Variants in STUM observed in about 807,000 individuals in gnomAD.
The protein encoded by STUM is protein stum homolog.
STUM carries 8 observed loss-of-function variants against 15.3 expected under a neutral mutation model. The ratio of observed to expected loss-of-function variants is 0.52; its 90% CI spans 0.31 to 0.94. The LOEUF (loss-of-function observed/expected upper bound fraction) is 0.94. Ranked by LOEUF, STUM falls within the 40% of genes least tolerant of loss-of-function variation. The probability of loss-of-function intolerance (pLI) is 0.05; values close to 1 mark genes in which losing one functional copy is unlikely to be tolerated. For synonymous variants in STUM, 78 were observed against 88.7 expected, an observed-to-expected ratio of 0.88 and a Z score of 0.68; for missense variants, 142 against 204.9, an observed-to-expected ratio of 0.69 and a Z score of 1.87.
chr1:226,574,773 A>G (rs988409864), intron 1 of STUM, among the ~76,000 whole-genome samples: 2 of 152,096 alleles, frequency 1.3e-5, no homozygotes, highest in South Asian at 4.1e-4. Context: ...CGAGGTGGGG[A>G]CGTTACCGTT....
chr1:226,601,051 G>T (rs1474204575), intron 3 of STUM, among the ~76,000 whole-genome samples: 2 of 152,138 alleles, frequency 1.3e-5, no homozygotes, highest in Non-Finnish European at 1.5e-5. Flanking sequence ...AAGTTCACTG[G>T]CTAATAGGAA....
chr1:226,558,529 T>A (rs1220401307), intron 1 of STUM, among the ~76,000 whole-genome samples: 12 of 152,168 alleles, frequency 7.9e-5, no homozygotes, highest in African/African-American at 2.9e-4. Context: ...GCACACGTTC[T>A]CCAGGGCTTA....
rs147497826 is a variant in STUM, at chr1:226,597,913, C to T, written c.382+932C>T. Among the ~76,000 whole-genome samples the T allele has an allele frequency of 7.8e-4, 119 of 152,314 alleles. No individual in the cohort carries two copies. The East Asian group carries it at 0.017, about 22-fold the overall frequency. On this transcript the variant is annotated intron_variant, in intron 2 of 3. Transcript: ENST00000366788. ...ATGCTGGCTACTGGGGCAGCCAGAG[C>T]AGGGGAACCCCAGGCTGGACCAGAG...
rs751146829 is a variant in STUM at position 226,600,623 on chromosome 1, C to T, written c.383-43C>T. On this transcript the variant is annotated intron_variant, in intron 2 of 3. Transcript: ENST00000366788. The surrounding 1 kb of genome is among the most constrained non-coding windows in gnomAD (Gnocchi z 5.2). ...CAGGCTGTGTTTTCTCTTCTTCTCT[C>T]TCTCCTCTTCCTCCTGCTGCCTCCC... 3.1e-6 allele frequency: 5 copies of T among 1,609,432 alleles called. No homozygotes were observed. The South Asian group carries it at 4.4e-5, about 14-fold the overall frequency.
At chr1:226,550,415 G>C (rs1667355243) in intron 1 of STUM, among the ~76,000 whole-genome samples, 1 of 152,154 alleles carries the variant, frequency 6.6e-6, no homozygotes, top group Admixed American at 6.5e-5. Context: ...CCAGCAGCCT[G>C]TCCCCCTGGC....
intron 1 of STUM, among the ~76,000 whole-genome samples, chr1:226,592,383 C>A (rs1668105281): frequency 6.6e-6 from 1 of 152,100 alleles, no homozygotes; most frequent in Non-Finnish European, 1.5e-5. Flanking sequence ...GATGCAACAC[C>A]CTAGACTGAA....
chr1:226,574,020 G>C (rs1250387059), intron 1 of STUM, among the ~76,000 whole-genome samples: 1 of 152,154 alleles, frequency 6.6e-6, no homozygotes, highest in African/African-American at 2.4e-5. Flanking sequence ...ATTTTTAGTA[G>C]AGATGGGGTT....
At chr1:226,590,086 T>G (rs111926185) in intron 1 of STUM, among the ~76,000 whole-genome samples, 1 of 114,000 alleles carries the variant, frequency 8.8e-6, no homozygotes, top group Non-Finnish European at 1.9e-5. Flanking sequence ...TTTGGATCCC[T>G]TCCCCCCACC....
rs538944011 is a variant in STUM at position 226,601,296 on chromosome 1, T to C, written c.391+622T>C. ...CACATGCCTCCACGCCCAGTTAATT[T>C]TTTGTATTCTTAGTAAGACGGGATT... On this transcript the variant is annotated intron_variant, in intron 3 of 3. Transcript: ENST00000366788. Among the ~76,000 whole-genome samples the C allele has an allele frequency of 6.6e-5, 10 of 152,290 alleles. No individual in the cohort carries two copies. In the East Asian group the frequency reaches 1.9e-3, roughly 29 times the overall value.
intron 1 of STUM, among the ~76,000 whole-genome samples, chr1:226,550,635 A>G (rs1571790020): frequency 1.4e-5 from 2 of 148,036 alleles, no homozygotes; most frequent in East Asian, 2.0e-4. Flanking sequence ...ACGCCACCCT[A>G]TGGTCTTTTG....
At chr1:226,576,212 A>C (rs1350164183) in intron 1 of STUM, among the ~76,000 whole-genome samples, 1 of 152,166 alleles carries the variant, frequency 6.6e-6, no homozygotes, top group African/African-American at 2.4e-5. Context: ...AGCTCATTAG[A>C]GGGAGTGACA....
At chr1:226,578,287 G>C (rs1667854572) in intron 1 of STUM, among the ~76,000 whole-genome samples, 1 of 151,118 alleles carries the variant, frequency 6.6e-6, no homozygotes, top group African/African-American at 2.4e-5. Flanking sequence ...TGTTGCCCAG[G>C]CTGGTCTCAA....
At chr1:226,582,510 A>G (rs1047961007) in intron 1 of STUM, among the ~76,000 whole-genome samples, 17 of 151,720 alleles carry the variant, frequency 1.1e-4, no homozygotes, top group South Asian at 2.1e-4. Context: ...CAGGAGAATC[A>G]CTTGAACCTG....
At chr1:226,585,897 G>A (rs527969730) in intron 1 of STUM, among the ~76,000 whole-genome samples, 2 of 152,298 alleles carry the variant, frequency 1.3e-5, no homozygotes, top group African/African-American at 4.8e-5. Flanking sequence ...ATTTCTTACA[G>A]TTTTGGAAGC....
Position 226,600,639 on chromosome 1 carries a change from G to T in STUM, c.383-27G>T. 1 of 1,610,518 alleles carries T rather than the reference G, an allele frequency of 6.2e-7. No homozygotes were observed. On this transcript the variant is annotated intron_variant, in intron 2 of 3. Coordinates refer to ENST00000366788, the MANE Select transcript of STUM (RefSeq NM_001003665.4). This position sits in a 1 kb window ranked among gnomAD's most constrained non-coding sequence, Gnocchi z 5.2. Reference sequence around the variant, plus strand: ...TTCTTCTCTCTCTCCTCTTCCTCCTGCTGCCTCCCACTCTGTGCTGCTGCA... The same window carrying T: ...TTCTTCTCTCTCTCCTCTTCCTCCTTCTGCCTCCCACTCTGTGCTGCTGCA...
At chr1:226,589,636 C>G (rs995157710) in intron 1 of STUM, among the ~76,000 whole-genome samples, 1 of 152,158 alleles carries the variant, frequency 6.6e-6, no homozygotes, top group African/African-American at 2.4e-5. Context: ...TCCCAGGTAT[C>G]TTACAACACA....
chr1:226,548,926 G>C lies in STUM; in HGVS notation c.22G>C (p.Ala8Pro). 5.6e-6 allele frequency: 8 copies of C among 1,439,606 alleles called. No individual in the cohort carries two copies. The highest frequency in any genetic ancestry group is 6.3e-6 in the Non-Finnish European group (7 of 1,102,574). The allele number at this position is 1,439,606 out of a possible 1,614,324, so 89.2% of individuals were successfully genotyped here. MEPSHKD[A>P]ETAAAAAAVA... ...GGCCATGGAGCCCTCGCACAAAGAC[G>C]CCGAGACGGCGGCGGCGGCGGCGGC... is the stretch of plus-strand genomic sequence containing the variant. Residue 8 changes from alanine (A) to proline (P), a missense_variant, in exon 1 of 4, where the codon GCC becomes CCC. Physicochemically the swap from Ala to Pro is conservative, Grantham distance 27 (BLOSUM62 -1). Around this residue, in one of 2 missense-constraint regions of STUM, gnomAD observed 113 missense variants for 134.4 expected, o/e 0.84. Transcript: ENST00000366788.
chr1:226,584,333 A>G (rs1667964036), intron 1 of STUM, among the ~76,000 whole-genome samples: 1 of 152,228 alleles, frequency 6.6e-6, no homozygotes, highest in African/African-American at 2.4e-5. Flanking sequence ...GCAGCTGAAG[A>G]TGCAGGAAGT....
intron 1 of STUM, among the ~76,000 whole-genome samples, chr1:226,570,808 C>T (rs1482688722): frequency 3.3e-5 from 5 of 152,154 alleles, no homozygotes; most frequent in East Asian, 3.8e-4. Flanking sequence ...GACCCTTTAG[C>T]GTTCTGATGA....
Sources: gnomAD v4.1 joint callset for allele counts (sites outside exome capture counted in the v4.1 genomes callset) on GRCh38, gnomAD v4.1.1 for gene constraint, gnomAD v4.1.1 regional missense constraint, Gnocchi (gnomAD v3.1) non-coding constraint, MANE v1.5 for transcripts, NCBI Gene and HGNC (gene_info 2026-07-23, HGNC 2026-07-21) for gene names.